The following MAP2K4 variants were observed in gnomAD, a reference collection of about 807,000 sequenced individuals.
MAP2K4 encodes mitogen-activated protein kinase kinase 4, also known as dual specificity mitogen-activated protein kinase kinase 4.
In MAP2K4, 4 loss-of-function variants were observed where a neutral mutation model predicts 48.5. The ratio of observed to expected loss-of-function variants is 0.08; its 90% CI spans 0.04 to 0.19. The LOEUF (loss-of-function observed/expected upper bound fraction) is 0.19, where lower values mean the gene tolerates loss of function less well. Among genes scored for constraint, MAP2K4 ranks in the 10% least tolerant of loss-of-function variants. MAP2K4 has a pLI of 1.00. For synonymous variants in MAP2K4, 166 were observed against 173.1 expected (o/e 0.96, Z 0.32); for missense variants, 258 against 493.3 (o/e 0.52, Z 4.52).
At chr17:12,027,678 GT>G (rs1206607612) in intron 1 of MAP2K4, among the ~76,000 whole-genome samples, 3 of 152,148 alleles carry the variant, frequency 2.0e-5, no homozygotes, top group Admixed American at 1.3e-4. Flanking sequence ...GATTTTGGCA[GT>G]TTCCCTGGGA....
intron 1 of MAP2K4, among the ~76,000 whole-genome samples, chr17:12,036,898 G>A (rs1322453666): frequency 8.0e-6 from 1 of 125,624 alleles, no homozygotes; most frequent in East Asian, 3.2e-4. Context: ...CCTCCCCCCC[G>A]CCACCTTTTT....
intron 2 of MAP2K4, among the ~76,000 whole-genome samples, chr17:12,080,632 A>G (rs549618791): frequency 6.6e-6 from 1 of 152,256 alleles, no homozygotes; most frequent in Admixed American, 6.5e-5. Flanking sequence ...TCAATTTTGA[A>G]TAGCACATGG....
intron 1 of MAP2K4, chr17:12,032,359 G>A: frequency 2.4e-6 from 2 of 820,176 alleles, no homozygotes; most frequent in Non-Finnish European, 3.4e-6. Flanking sequence ...CTTGGTATTG[G>A]GAATGTGTCC....
At chr17:12,049,535 T>C (rs1168325842) in intron 1 of MAP2K4, among the ~76,000 whole-genome samples, 1 of 152,230 alleles carries the variant, frequency 6.6e-6, no homozygotes, top group Non-Finnish European at 1.5e-5. Flanking sequence ...AGCTTGCTTA[T>C]ATGTATTTAG....
intron 2 of MAP2K4, among the ~76,000 whole-genome samples, chr17:12,074,005 C>T (rs562773722): frequency 6.6e-6 from 1 of 152,252 alleles, no homozygotes; most frequent in South Asian, 2.1e-4. Flanking sequence ...AACTCCCGAC[C>T]TCGTGATTCG....
intron 1 of MAP2K4, chr17:12,032,169 T>C: frequency 1.9e-6 from 1 of 527,022 alleles, no homozygotes; most frequent in Non-Finnish European, 3.1e-6. Context: ...TTGAATTAGT[T>C]TTATTCAAAA....
chr17:12,139,913 T>A (rs1488525693), intron 10 of MAP2K4, 29 bp downstream of exon 10: 1 of 1,551,182 alleles, frequency 6.4e-7, no homozygotes, highest in Non-Finnish European at 8.7e-7. Flanking sequence ...GGATTGTAGG[T>A]ACATCCTAAC....
chr17:12,110,980 C>A (rs940155711), intron 6 of MAP2K4, among the ~76,000 whole-genome samples: 2 of 152,108 alleles, frequency 1.3e-5, no homozygotes, highest in Admixed American at 6.5e-5. Context: ...GAAGGCCAGA[C>A]CTAGAAAAGT....
At chr17:12,135,505 TA>T (rs1973176007) in intron 9 of MAP2K4, among the ~76,000 whole-genome samples, 1 of 152,232 alleles carries the variant, frequency 6.6e-6, no homozygotes, top group African/African-American at 2.4e-5. Flanking sequence ...GTATTGGGAT[TA>T]CAGTGGCGTG....
chr17:12,138,093 GAA>G (rs1041101053), intron 9 of MAP2K4, among the ~76,000 whole-genome samples: 24 of 152,088 alleles, frequency 1.6e-4, no homozygotes, highest in African/African-American at 5.6e-4. Flanking sequence ...AGTGCTGAGG[GAA>G]AATAATTGTC....
intron 6 of MAP2K4, among the ~76,000 whole-genome samples, chr17:12,112,433 A>T (rs1972335894): frequency 6.8e-6 from 1 of 147,494 alleles, no homozygotes; most frequent in Admixed American, 7.0e-5. Context: ...ACTGCATTCC[A>T]GCCTGGGTAA....
intron 3 of MAP2K4, among the ~76,000 whole-genome samples, chr17:12,085,780 A>T (rs1400535328): frequency 1.3e-5 from 2 of 152,118 alleles, no homozygotes; most frequent in Non-Finnish European, 2.9e-5. Context: ...CCCACAGCTC[A>T]GCTGTTCCCT....
chr17:12,118,940 A>G (rs1198954140), intron 7 of MAP2K4, among the ~76,000 whole-genome samples: 1 of 152,186 alleles, frequency 6.6e-6, no homozygotes, highest in Non-Finnish European at 1.5e-5. Context: ...AAAAAATGAT[A>G]TCTGACCTCC....
chr17:12,046,474 T>G (rs544142721), intron 1 of MAP2K4, among the ~76,000 whole-genome samples: 4 of 152,362 alleles, frequency 2.6e-5, no homozygotes, highest in African/African-American at 9.6e-5. Context: ...TAATCATGAC[T>G]TGGCCAGAGA....
intron 1 of MAP2K4, among the ~76,000 whole-genome samples, chr17:12,022,815 A>G (rs1050152043): frequency 6.6e-6 from 1 of 152,254 alleles, no homozygotes; most frequent in African/African-American, 2.4e-5. Flanking sequence ...ATAGAAGATA[A>G]TAGAGGGCAG....
chr17:12,122,095 A>G (rs1443636322), intron 7 of MAP2K4, among the ~76,000 whole-genome samples: 3 of 152,278 alleles, frequency 2.0e-5, no homozygotes, highest in African/African-American at 7.2e-5. Flanking sequence ...AGTGATGTAA[A>G]TAAAAAACTG....
chr17:12,110,040 C>G (rs1013307844), intron 5 of MAP2K4, among the ~76,000 whole-genome samples: 1 of 150,832 alleles, frequency 6.6e-6, no homozygotes, highest in African/African-American at 2.4e-5. Context: ...GAGCGAGACC[C>G]AGTCTCAAAA....
At chr17:12,095,975 T>C (rs1971734579) in intron 4 of MAP2K4, among the ~76,000 whole-genome samples, 1 of 150,930 alleles carries the variant, frequency 6.6e-6, no homozygotes, top group Non-Finnish European at 1.5e-5. Context: ...ACAAATATTT[T>C]CTGTTCTTTA....
At chr17:12,115,230 C>T (rs79365725) in intron 7 of MAP2K4, among the ~76,000 whole-genome samples, 2,073 of 152,226 alleles carry the variant, frequency 0.014, 16 homozygotes, top group East Asian at 0.046. Context: ...AACATTTTCC[C>T]AACTCCATAC....
Sources: allele counts gnomAD v4.1 joint callset (sites outside exome capture counted in the v4.1 genomes callset), GRCh38; gene constraint gnomAD v4.1.1; transcripts MANE v1.5; gene names NCBI Gene and HGNC (gene_info 2026-07-23, HGNC 2026-07-21).